The following LATS1 variants were observed in gnomAD, a reference collection of about 807,000 sequenced individuals.
The protein encoded by LATS1 is large tumor suppressor kinase 1, also known as serine/threonine-protein kinase LATS1.
Under a neutral mutation model 106.6 loss-of-function variants are expected in LATS1, and 25 were observed. The observed-to-expected ratio is 0.23, with a 90% CI of 0.17 to 0.33. LATS1 has a LOEUF of 0.33. LATS1 is among the 10% of genes least tolerant of loss of function. The pLI is 1.00. For missense variants in LATS1, 1,040 were observed against 1,382.6 expected (o/e 0.75, Z 3.93); for synonymous variants, 465 against 455.6 (o/e 1.02, Z -0.26).
chr6:149,697,775 C>T (rs1182283327), intron 2 of LATS1, among the ~76,000 whole-genome samples: 2 of 152,072 alleles, frequency 1.3e-5, no homozygotes, highest in African/African-American at 4.8e-5. Flanking sequence ...CTCGCTGTCG[C>T]CTGGGGTTGG....
At position 149,678,168 on chromosome 6, in the gene LATS1, A is replaced by C. The variant is rs1195614994; in HGVS notation, c.2594-1431T>G. Among the ~76,000 whole-genome samples, 33 of 139,100 alleles carry C rather than the reference A, an allele frequency of 2.4e-4. 4 individuals are homozygous for C. The highest frequency in any genetic ancestry group is 7.6e-4 in the African/African-American group (29 of 38,060). 91.3% of individuals were successfully genotyped at this position (139,100 alleles called of 152,430 possible). ...ACCTGGTCTCTACTAAAAATCCAAA[A>C]AAAAAAAAAAAAAAAAAAAAAAAAA... On this transcript the variant is annotated intron_variant, in intron 5 of 7. Transcript: ENST00000543571.
intron 7 of LATS1, among the ~76,000 whole-genome samples, chr6:149,673,465 G>T (rs924201981): frequency 4.6e-5 from 7 of 151,722 alleles, no homozygotes; most frequent in African/African-American, 1.7e-4. Flanking sequence ...GATGAGAATG[G>T]ACATTCCTGC....
At chr6:149,662,351 C>A in intron 7 of LATS1, 113 bp from the exon 8 acceptor site, 1 of 944,502 alleles carries the variant, frequency 1.1e-6, no homozygotes, top group South Asian at 1.8e-5. Context: ...AAATAAATTA[C>A]ATGATATTTT....
intron 1 of LATS1, among the ~76,000 whole-genome samples, chr6:149,706,145 T>C (rs934785655): frequency 8.3e-6 from 1 of 120,944 alleles, no homozygotes; most frequent in African/African-American, 3.3e-5. Context: ...ATCGTGCCAT[T>C]GCACTCCAGC....
chr6:149,677,615 A>AT (rs1393263802), intron 5 of LATS1, among the ~76,000 whole-genome samples: 1 of 152,206 alleles, frequency 6.6e-6, no homozygotes, highest in African/African-American at 2.4e-5. Context: ...GATAGCCAGG[A>AT]AGCAGCTGGA....
rs1000814988 is a variant in LATS1 at position 149,698,620 on chromosome 6, G to A, written c.348+3159C>T. Among the ~76,000 whole-genome samples the A allele has an allele frequency of 2.0e-5, 3 of 148,726 alleles. No homozygotes were observed. In the South Asian group the frequency reaches 6.4e-4, roughly 32 times the overall value. ...GGCTGGAGTACAATGGTGTGATCTC[G>A]GCCCACTGCAACCTCCGCCGCCCAG... On this transcript the variant is annotated intron_variant, in intron 2 of 7. Transcript: ENST00000543571.
At chr6:149,670,408 T>C (rs1205799346) in intron 7 of LATS1, among the ~76,000 whole-genome samples, 1 of 151,858 alleles carries the variant, frequency 6.6e-6, no homozygotes, top group South Asian at 2.1e-4. Context: ...TTTTGGAACT[T>C]TGGAACCTGA....
At chr6:149,709,289 G>A (rs572944275) in intron 1 of LATS1, among the ~76,000 whole-genome samples, 1 of 152,258 alleles carries the variant, frequency 6.6e-6, no homozygotes, top group Admixed American at 6.5e-5. Context: ...ACTCTCTGTA[G>A]CAATAAGATA....
In LATS1 at chr6:149,697,507, A is replaced by G. The variant is rs73779544; in HGVS notation, c.349-2286T>C. 6.3e-3 allele frequency among the ~76,000 whole-genome samples: 954 copies of G among 152,330 alleles called. 13 individuals are homozygous for G. Among genetic ancestry groups the G allele is most frequent in the African/African-American group, 0.022 (908 of 41,572 alleles). On this transcript the variant is annotated intron_variant, in intron 2 of 7. Coordinates refer to ENST00000543571, the MANE Select transcript of LATS1 (RefSeq NM_004690.4). ...GCTAATCGTAATTAACTGAATCACT[A>G]TCTTGCTAAAAGCATTATTATTTAG...
At position 149,683,642 on chromosome 6, in the gene LATS1, C is replaced by T. The variant is rs147658805; in HGVS notation, c.1447G>A (p.Ala483Thr). ...GGTGTAATTGCAGTGACTGTTGTAG[C>T]AGAAGGCTGAGAATTAGCAGAGTGA... ...ASHSANSQPS[A>T]TTVTAITPAP... The change falls in exon 4 of 8, where the codon GCT becomes ACT. Residue 483 changes from alanine to threonine, a missense_variant. This residue lies in a region of LATS1 where 624 missense variants were observed against 714.8 expected (regional missense o/e 0.87). Transcript: ENST00000543571. 31 of 1,614,098 alleles carry T rather than the reference C, an allele frequency of 1.9e-5. No homozygotes were observed. The African/African-American group carries it at 3.7e-4, about 19-fold the overall frequency.
At chr6:149,691,254 C>T (rs981835393) in intron 3 of LATS1, among the ~76,000 whole-genome samples, 1 of 152,202 alleles carries the variant, frequency 6.6e-6, no homozygotes, top group African/African-American at 2.4e-5. Flanking sequence ...ACCCCAGACA[C>T]ATGCACATGC....
rs758593545 is a variant in LATS1 at position 149,661,700 on chromosome 6, A to T, written c.*29T>A. 1.3e-6 allele frequency: 2 copies of T among 1,516,602 alleles called. No homozygotes were observed. Among genetic ancestry groups the T allele is most frequent in the Admixed American group, 4.6e-5 (2 of 43,114 alleles). The allele number at this position is 1,516,602 out of a possible 1,614,324, so 93.9% of individuals were successfully genotyped here. Reference sequence around the variant, plus strand: ...ACCTCGCATTTCAGGCCCTTTTACAAATCCTCATTACATTTATTTACTAGT... The same window carrying T: ...ACCTCGCATTTCAGGCCCTTTTACATATCCTCATTACATTTATTTACTAGT... On this transcript the variant is annotated 3_prime_UTR_variant, in exon 8 of 8. Transcript: ENST00000543571.
Position 149,717,836 on chromosome 6 carries a change from GC to G in LATS1, c.-141+12del. 3.2e-6 allele frequency: 1 copy of G among 309,030 alleles called. No individual in the cohort carries two copies. The highest frequency in any genetic ancestry group is 6.3e-6 in the Non-Finnish European group (1 of 159,646). The allele number at this position is 309,030 out of a possible 1,614,324, so 19.1% of individuals were successfully genotyped here. On this transcript the variant is annotated intron_variant, in intron 1 of 7. Transcript: ENST00000543571. ...CTGGAGGAGCGCACCCGCTACGCCAGCCCCGGACCTACCTGGAGGGGAGAGC... is the reference window on the plus strand; with the variant it reads ...CTGGAGGAGCGCACCCGCTACGCCAGCCCGGACCTACCTGGAGGGGAGAGC...
chr6:149,676,264 A>T lies in LATS1; in HGVS notation c.2879T>A (p.Met960Lys), dbSNP rs1781720853. The T allele has an allele frequency of 6.2e-7, 1 of 1,603,110 alleles. No homozygotes were observed. Among genetic ancestry groups the T allele is most frequent in the Non-Finnish European group, 8.5e-7 (1 of 1,170,118 alleles). ...FLAQTPLETQ[M>K]KVINWQTSLH... ...GATATAGATGCCATACCTTACCTTC[A>T]TTTGTGTTTCTAATGGTGTTTGTGC... The change falls in exon 7 of 8, where the codon ATG becomes AAG. Residue 960 changes from methionine (M) to lysine (K), a missense_variant. Transcript: ENST00000543571.
At chr6:149,707,811 A>C (rs927797848) in intron 1 of LATS1, among the ~76,000 whole-genome samples, 1 of 152,190 alleles carries the variant, frequency 6.6e-6, no homozygotes, top group Non-Finnish European at 1.5e-5. Flanking sequence ...AGAAGTTTTC[A>C]TTTGTTGAAA....
chr6:149,690,689 G>C (rs1342162500), intron 3 of LATS1, among the ~76,000 whole-genome samples: 2 of 151,856 alleles, frequency 1.3e-5, no homozygotes, highest in Non-Finnish European at 2.9e-5. Context: ...TGGGACTACA[G>C]GCACATGTCA....
chr6:149,715,917 G>C (rs1784360347), intron 1 of LATS1, among the ~76,000 whole-genome samples: 1 of 152,110 alleles, frequency 6.6e-6, no homozygotes. Flanking sequence ...CCCACACTAC[G>C]ATGGGGCCAG....
Position 149,706,183 on chromosome 6 carries a change from C to CAA in LATS1, c.-140-3919_-140-3918dup, listed in dbSNP as rs60729757. On this transcript the variant is annotated intron_variant, in intron 1 of 7. Coordinates refer to ENST00000543571, the MANE Select transcript of LATS1 (RefSeq NM_004690.4). ...GGGCAACAAGAGCGAAACCCGGTCG[C>CAA]AAAAAAAAAAAAAAAAAAAAAAAAA... Among the ~76,000 whole-genome samples the CAA allele has an allele frequency of 5.5e-4, 14 of 25,266 alleles. 2 individuals are homozygous for CAA. Among genetic ancestry groups the CAA allele is most frequent in the South Asian group, 2.1e-3 (1 of 472 alleles). The allele number at this position is 25,266 out of a possible 152,430, so 16.6% of individuals were successfully genotyped here. A position where few individuals can be genotyped will look rare whatever the true frequency, so the allele number is the denominator to read the frequency against.
intron 1 of LATS1, among the ~76,000 whole-genome samples, chr6:149,712,575 T>G (rs1000536802): frequency 6.6e-6 from 1 of 151,486 alleles, no homozygotes; most frequent in East Asian, 1.9e-4. Flanking sequence ...GGTCTCAAAC[T>G]CCTGGCCTCA....
Sources: gnomAD v4.1 joint callset for allele counts (sites outside exome capture counted in the v4.1 genomes callset) on GRCh38, gnomAD v4.1.1 for gene constraint, gnomAD v4.1.1 regional missense constraint, MANE v1.5 for transcripts, NCBI Gene and HGNC (gene_info 2026-07-23, HGNC 2026-07-21) for gene names.